Variants in PCDHA9 observed in about 807,000 individuals in gnomAD.
PCDHA9 encodes protocadherin alpha-9.
A neutral mutation model predicts 62.0 loss-of-function variants in PCDHA9; 62 were observed. The observed-to-expected ratio is 1.00, with a 90% CI of 0.81 to 1.23. The LOEUF (loss-of-function observed/expected upper bound fraction) is 1.23. Ranked by LOEUF, PCDHA9 falls within the 50% of genes most tolerant of loss-of-function variation. The pLI is 0.00. For missense variants in PCDHA9, 1,205 were observed against 1,249.8 expected, an observed-to-expected ratio of 0.96 and a Z score of 0.54; for synonymous variants, 557 against 567.6, an observed-to-expected ratio of 0.98 and a Z score of 0.27.
intron 1 of PCDHA9, chr5:140,857,752 C>A: frequency 6.3e-7 from 1 of 1,597,166 alleles, no homozygotes; most frequent in Non-Finnish European, 8.6e-7. Flanking sequence ...TGGCGTCTCC[C>A]GCTGGCAGCG....
chr5:140,852,915 G>T (rs112871977), intron 1 of PCDHA9: 1 of 783,362 alleles, frequency 1.3e-6, no homozygotes, highest in Non-Finnish European at 1.6e-6. Context: ...GTCTCGCTCT[G>T]TTGCCCAGGC....
At chr5:140,933,184 G>T (rs1459868769) in intron 1 of PCDHA9, among the ~76,000 whole-genome samples, 4 of 149,618 alleles carry the variant, frequency 2.7e-5, no homozygotes, top group African/African-American at 4.9e-5. Flanking sequence ...ATAAGATAAT[G>T]GTTCAGGATA....
intron 1 of PCDHA9, among the ~76,000 whole-genome samples, chr5:140,935,464 G>A (rs2090388076): frequency 6.6e-6 from 1 of 152,146 alleles, no homozygotes; most frequent in Admixed American, 6.5e-5. Context: ...AGCAGTTTAA[G>A]TTTTTGTCAT....
intron 3 of PCDHA9, among the ~76,000 whole-genome samples, chr5:140,984,528 T>C (rs1187541000): frequency 7.2e-5 from 11 of 152,216 alleles, no homozygotes; most frequent in African/African-American, 2.4e-4. Flanking sequence ...ACAGTCTTCA[T>C]GGACTGTGCT....
At chr5:140,933,613 A>G (rs1441475985) in intron 1 of PCDHA9, among the ~76,000 whole-genome samples, 1 of 151,962 alleles carries the variant, frequency 6.6e-6, no homozygotes, top group Non-Finnish European at 1.5e-5. Flanking sequence ...TTCTTTTCTT[A>G]TTAGGTTAGG....
intron 1 of PCDHA9, among the ~76,000 whole-genome samples, chr5:140,891,303 T>C (rs1007949282): frequency 6.6e-6 from 1 of 152,178 alleles, no homozygotes; most frequent in Non-Finnish European, 1.5e-5. Flanking sequence ...GGTATTTGAT[T>C]ACATGAGTAA....
chr5:140,984,960 CAG>C (rs1387655082), intron 3 of PCDHA9, among the ~76,000 whole-genome samples: 2 of 151,386 alleles, frequency 1.3e-5, no homozygotes, highest in African/African-American at 4.9e-5. Context: ...TTTTTTGAGA[CAG>C]AGTCTCGCTC....
chr5:140,985,975 G>A (rs2097182023), intron 3 of PCDHA9, among the ~76,000 whole-genome samples: 2 of 152,148 alleles, frequency 1.3e-5, no homozygotes, highest in South Asian at 2.1e-4. Flanking sequence ...TCCTGACCTC[G>A]TGATCCGCCC....
chr5:140,927,960 C>G, intron 1 of PCDHA9: 2 of 1,614,196 alleles, frequency 1.2e-6, no homozygotes, highest in Non-Finnish European at 1.7e-6. Flanking sequence ...CTGCCCCTGG[C>G]ACAGTGATTG....
intron 1 of PCDHA9, chr5:140,926,553 A>T: frequency 4.3e-6 from 1 of 233,838 alleles, no homozygotes; most frequent in East Asian, 9.1e-5. Context: ...TCGAGACCCC[A>T]GCCCGCTGCT....
intron 1 of PCDHA9, among the ~76,000 whole-genome samples, chr5:140,932,809 CAT>C (rs782729907): frequency 3.3e-5 from 5 of 151,746 alleles, no homozygotes; most frequent in Admixed American, 6.6e-5. Flanking sequence ...ACCTTGGAAA[CAT>C]ATAAGTGGGA....
intron 1 of PCDHA9, among the ~76,000 whole-genome samples, chr5:140,925,094 G>A (rs1489905457): frequency 6.6e-6 from 1 of 151,188 alleles, no homozygotes; most frequent in Non-Finnish European, 1.5e-5. Flanking sequence ...AGGAAGGAAG[G>A]AAGGAAGGAA....
intron 1 of PCDHA9, among the ~76,000 whole-genome samples, chr5:140,971,090 T>G (rs1554233007): frequency 1.3e-5 from 2 of 152,204 alleles, no homozygotes. Context: ...TAACAAATTC[T>G]TGTGAAGCCC....
intron 3 of PCDHA9, among the ~76,000 whole-genome samples, chr5:141,008,123 G>A (rs1437358425): frequency 6.6e-6 from 1 of 152,144 alleles, no homozygotes; most frequent in East Asian, 1.9e-4. Context: ...GTTTCAAGAA[G>A]GGGATGACAA....
At chr5:140,921,744 A>T (rs1554200416) in intron 1 of PCDHA9, among the ~76,000 whole-genome samples, 1 of 152,158 alleles carries the variant, frequency 6.6e-6, no homozygotes. Context: ...TATAAGCATA[A>T]CAGGACACTT....
At chr5:140,858,899 C>T (rs1236968449) in intron 1 of PCDHA9, 4 of 203,942 alleles carry the variant, frequency 2.0e-5, no homozygotes, top group Non-Finnish European at 3.0e-5. Flanking sequence ...ATATGTGTAG[C>T]GTACCACAGC....
chr5:140,963,175 T>C (rs1408160891), intron 1 of PCDHA9, among the ~76,000 whole-genome samples: 1 of 152,046 alleles, frequency 6.6e-6, no homozygotes, highest in East Asian at 1.9e-4. Context: ...ATCTTACAGA[T>C]ATGCTGTAGA....
Position 140,848,505 on chromosome 5 carries a change from T to C in PCDHA9, c.10T>C (p.Ser4Pro). Residue 4 changes from serine to proline, a missense_variant, in exon 1 of 4, where the codon TCA becomes CCA. Transcript: ENST00000532602. ...AGACTGAGTATTTGAAATGTTATAC[T>C]CAAGTCGAGGAGATCCAGAGGGTCA... is the stretch of plus-strand genomic sequence containing the variant. MLY[S>P]SRGDPEGQPL... 6.3e-7 allele frequency: 1 copy of C among 1,587,952 alleles called. No homozygotes were observed. The highest frequency in any genetic ancestry group is 8.6e-7 in the Non-Finnish European group (1 of 1,161,600).
rs147047116 is a variant in PCDHA9, at chr5:140,937,713, C to T, written c.2395-41236C>T. Among the ~76,000 whole-genome samples the T allele has an allele frequency of 7.0e-4, 107 of 151,998 alleles. No homozygotes were observed. The East Asian group carries it at 0.02, about 28-fold the overall frequency. On this transcript the variant is annotated intron_variant, in intron 1 of 3. Transcript: ENST00000532602. The stretch of plus-strand genomic sequence containing the variant: ...GGATCACGAGGTCAGGAGATCAAGA[C>T]CATCCTGGCTAACACGGTGAAACCC...
Sources: allele counts gnomAD v4.1 joint callset (sites outside exome capture counted in the v4.1 genomes callset), GRCh38; gene constraint gnomAD v4.1.1; transcripts MANE v1.5; gene names NCBI Gene and HGNC (gene_info 2026-07-23, HGNC 2026-07-21).